SUCLG2: variants seen among roughly 807,000 people sequenced by gnomAD.
SUCLG2 encodes the protein succinate-CoA ligase GDP-forming subunit beta, also known as succinate--CoA ligase [GDP-forming] subunit beta, mitochondrial.
Under a neutral mutation model 47.9 loss-of-function variants are expected in SUCLG2, and 42 were observed. The ratio of observed to expected loss-of-function variants is 0.88; its 90% confidence interval spans 0.69 to 1.14. SUCLG2 has a LOEUF of 1.14. SUCLG2 is among the 50% of genes most tolerant of loss of function. The pLI, the probability that SUCLG2 is intolerant of heterozygous loss-of-function variation, is 0.00. For synonymous variants in SUCLG2, 195 were observed against 197.3 expected (o/e 0.99, Z 0.10); for missense variants, 571 against 525.9 (o/e 1.09, Z -0.84).
intron 10 of SUCLG2, among the ~76,000 whole-genome samples, chr3:67,392,930 T>G (rs2106793841): frequency 1.3e-5 from 2 of 152,128 alleles, no homozygotes; most frequent in Non-Finnish European, 2.9e-5. Context: ...TCCTCCTGCC[T>G]CAGTCTCCTG....
At chr3:67,495,372 G>A (rs184747390) in intron 9 of SUCLG2, among the ~76,000 whole-genome samples, 2 of 152,232 alleles carry the variant, frequency 1.3e-5, no homozygotes, top group African/African-American at 4.8e-5. Context: ...CAGAAGTTGT[G>A]GGCTGGGCGC....
chr3:67,563,298 G>C (rs1311918917), intron 2 of SUCLG2, among the ~76,000 whole-genome samples: 1 of 152,102 alleles, frequency 6.6e-6, no homozygotes, highest in Non-Finnish European at 1.5e-5. Flanking sequence ...CTCTTAAGGA[G>C]TTCCAAGCCT....
chr3:67,400,789 C>A lies in SUCLG2; in HGVS notation c.1125G>T (p.Gly375=), dbSNP rs368884056. ...CTAGCTCCCGGCAGGCTTTGGTGAT[C>A]CCATTGGCAATGATGGCACAGTTGA... ...GIVNCAIIAN[G]ITKACRELEL... is the part of the protein sequence containing the mutation. The change falls in exon 10 of 11, where the codon GGG becomes GGT. Residue 375 remains glycine, a synonymous_variant. Transcript: ENST00000307227. The A allele has an allele frequency of 6.2e-7, 1 of 1,612,336 alleles. No individual in the cohort carries two copies.
intron 4 of SUCLG2, among the ~76,000 whole-genome samples, chr3:67,527,833 G>T (rs975322399): frequency 6.6e-6 from 1 of 152,118 alleles, no homozygotes; most frequent in African/African-American, 2.4e-5. Flanking sequence ...CACAGCAAGC[G>T]CTTCTCAACT....
intron 9 of SUCLG2, among the ~76,000 whole-genome samples, chr3:67,432,135 G>C (rs1703499796): frequency 6.6e-6 from 1 of 152,202 alleles, no homozygotes; most frequent in South Asian, 2.1e-4. Context: ...TGGGAGGCTA[G>C]ATGGGAGGCT....
intron 10 of SUCLG2, among the ~76,000 whole-genome samples, chr3:67,363,977 T>G (rs940232897): frequency 1.3e-5 from 2 of 152,180 alleles, no homozygotes; most frequent in African/African-American, 4.8e-5. Flanking sequence ...GAGTTGGAAC[T>G]GAAGAAACTG....
At chr3:67,376,193 C>T (rs576196259) in intron 10 of SUCLG2, 11 of 985,214 alleles carry the variant, frequency 1.1e-5, no homozygotes, top group East Asian at 2.3e-4. Flanking sequence ...AAAGCCCTCT[C>T]AGACGTCATC....
chr3:67,635,080 T>C lies in SUCLG2; in HGVS notation c.84+19423A>G, dbSNP rs184367329. 2.9e-3 allele frequency among the ~76,000 whole-genome samples: 440 copies of C among 152,298 alleles called. 6 individuals carry two copies. The highest frequency in any genetic ancestry group is 9.9e-3 in the African/African-American group (412 of 41,558). ...TCAGCTATTCTCATCTATTATACTA[T>C]GATTTTTGCGATATTCAACACTGCT... is the stretch of plus-strand genomic sequence containing the variant. On this transcript the variant is annotated intron_variant, in intron 1 of 10. Transcript: ENST00000307227.
At chr3:67,652,804 G>A (rs1701310684) in intron 1 of SUCLG2, among the ~76,000 whole-genome samples, 1 of 151,972 alleles carries the variant, frequency 6.6e-6, no homozygotes, top group South Asian at 2.1e-4. Flanking sequence ...ACTTCTTTAG[G>A]CCTCAATTTC....
intron 2 of SUCLG2, among the ~76,000 whole-genome samples, chr3:67,566,494 C>G (rs531421304): frequency 6.6e-6 from 1 of 152,118 alleles, no homozygotes. Context: ...TATCTCCACA[C>G]AGAAAAATAA....
At chr3:67,609,682 C>A (rs934331330) in intron 1 of SUCLG2, 86 bp from the exon 2 acceptor site, 3 of 1,303,228 alleles carry the variant, frequency 2.3e-6, no homozygotes, top group Non-Finnish European at 3.1e-6. Context: ...CTTAGAGGTA[C>A]TGTTGACTGG....
rs149899508 is a variant in SUCLG2, at chr3:67,594,960, A to C, written c.226+14495T>G. ...GTCTTTCCAAATGAAATAATACCTC[A>C]AGATCAGACTCCAATAACGATACCC... On this transcript the variant is annotated intron_variant, in intron 2 of 10. Transcript: ENST00000307227. 2.7e-3 allele frequency among the ~76,000 whole-genome samples: 407 copies of C among 152,292 alleles called. 2 individuals are homozygous for C. Among genetic ancestry groups the C allele is most frequent in the African/African-American group, 8.5e-3 (355 of 41,568 alleles).
In SUCLG2 at chr3:67,411,083, C is replaced by A. The variant is rs192685408; in HGVS notation, c.1063-10232G>T. Among the ~76,000 whole-genome samples the A allele has an allele frequency of 3.5e-3, 534 of 152,192 alleles. 4 individuals are homozygous for A. The highest frequency in any genetic ancestry group is 0.012 in the African/African-American group (515 of 41,530). ...TAAAATTGGCAACTTGGTGAAGGAT[C>A]CATTTATTAATCTATAAACAGGATG... On this transcript the variant is annotated intron_variant, in intron 9 of 10. Coordinates refer to ENST00000307227, the MANE Select transcript of SUCLG2 (RefSeq NM_003848.4).
intron 2 of SUCLG2, among the ~76,000 whole-genome samples, chr3:67,596,821 G>A (rs1708304930): frequency 6.6e-6 from 1 of 152,202 alleles, no homozygotes; most frequent in South Asian, 2.1e-4. Flanking sequence ...CACTGGCAAG[G>A]ATGGAGAGCT....
downstream of SUCLG2, among the ~76,000 whole-genome samples, chr3:67,371,548 C>G (rs1701954328): frequency 6.6e-6 from 1 of 152,122 alleles, no homozygotes; most frequent in Admixed American, 6.6e-5. Flanking sequence ...GAAAATGGCC[C>G]TTGCCTTATG....
At chr3:67,466,188 A>T (rs753396894) in intron 9 of SUCLG2, among the ~76,000 whole-genome samples, 4 of 152,130 alleles carry the variant, frequency 2.6e-5, no homozygotes, top group Non-Finnish European at 4.4e-5. Flanking sequence ...CTCCGTCTCT[A>T]TCGAAAATAC....
At chr3:67,601,042 G>C (rs1708407152) in intron 2 of SUCLG2, among the ~76,000 whole-genome samples, 1 of 152,050 alleles carries the variant, frequency 6.6e-6, no homozygotes, top group African/African-American at 2.4e-5. Context: ...AGTCAATCTA[G>C]AGATTATCAT....
chr3:67,624,439 T>G (rs565312865), intron 1 of SUCLG2, among the ~76,000 whole-genome samples: 1 of 152,374 alleles, frequency 6.6e-6, no homozygotes, highest in African/African-American at 2.4e-5. Flanking sequence ...AAACTTGATC[T>G]TAGATGCTTT....
At chr3:67,475,806 G>A (rs1704735165) in intron 9 of SUCLG2, among the ~76,000 whole-genome samples, 2 of 150,868 alleles carry the variant, frequency 1.3e-5, no homozygotes, top group South Asian at 2.1e-4. Flanking sequence ...CTCCCACCTC[G>A]GCCTCCCAAA....
Sources: gnomAD v4.1 joint callset for allele counts (sites outside exome capture counted in the v4.1 genomes callset) on GRCh38, gnomAD v4.1.1 for gene constraint, MANE v1.5 for transcripts, NCBI Gene and HGNC (gene_info 2026-07-23, HGNC 2026-07-21) for gene names.